PDE8B: variants seen among roughly 807,000 people sequenced by gnomAD.
The protein encoded by PDE8B is phosphodiesterase 8B.
Under a neutral mutation model 101.3 loss-of-function variants are expected in PDE8B, and 26 were observed. The observed-to-expected ratio is 0.26, with a 90% CI of 0.19 to 0.36. The LOEUF is 0.36. Among genes scored for constraint, PDE8B ranks in the 10% least tolerant of loss-of-function variants. The probability of loss-of-function intolerance (pLI) is 1.00; values close to 1 mark genes in which losing one functional copy is unlikely to be tolerated. For synonymous variants in PDE8B, 424 were observed against 429.3 expected, an observed-to-expected ratio of 0.99 and a Z score of 0.15; for missense variants, 810 against 1,163.1, an observed-to-expected ratio of 0.70 and a Z score of 4.42.
chr5:77,415,067 A>G (rs1795257052), intron 17 of PDE8B, among the ~76,000 whole-genome samples: 1 of 152,210 alleles, frequency 6.6e-6, no homozygotes, highest in Non-Finnish European at 1.5e-5. Flanking sequence ...GAATATGTTT[A>G]CAATTCAAAA....
intron 1 of PDE8B, among the ~76,000 whole-genome samples, chr5:77,260,222 T>C (rs770220147): frequency 1.5e-4 from 23 of 150,620 alleles, no homozygotes; most frequent in Non-Finnish European, 3.1e-4. Flanking sequence ...TTAATTGTAC[T>C]GATGAAATAA....
chr5:77,397,364 C>T (rs1030204184), intron 10 of PDE8B, among the ~76,000 whole-genome samples: 1 of 152,060 alleles, frequency 6.6e-6, no homozygotes, highest in East Asian at 1.9e-4. Context: ...AATTAGAGCT[C>T]TGTCATATAT....
At chr5:77,250,335 G>A (rs1200432573) in intron 1 of PDE8B, among the ~76,000 whole-genome samples, 6 of 152,270 alleles carry the variant, frequency 3.9e-5, no homozygotes, top group East Asian at 3.9e-4. Flanking sequence ...AATCCTTGCC[G>A]TCGCTGCTAA....
At chr5:77,369,446 C>T (rs527407633) in intron 10 of PDE8B, among the ~76,000 whole-genome samples, 32 of 151,996 alleles carry the variant, frequency 2.1e-4, no homozygotes, top group Admixed American at 1.2e-3. Context: ...GTGTGCTGGA[C>T]CGAGGTGACA....
At chr5:77,347,081 C>A (rs1477532356) in intron 7 of PDE8B, among the ~76,000 whole-genome samples, 1 of 152,204 alleles carries the variant, frequency 6.6e-6, no homozygotes, top group Non-Finnish European at 1.5e-5. Flanking sequence ...ATCCATTCCT[C>A]CCTCCTTTCC....
intron 10 of PDE8B, among the ~76,000 whole-genome samples, chr5:77,378,009 TAC>T (rs3031820): frequency 0.064 from 8,553 of 134,280 alleles, 305 homozygotes; most frequent in East Asian, 0.18. Flanking sequence ...CCTCTCTCTC[TAC>T]ACACACACAC....
intron 11 of PDE8B, among the ~76,000 whole-genome samples, chr5:77,401,496 CTT>C (rs1178971426): frequency 6.6e-6 from 1 of 152,146 alleles, no homozygotes; most frequent in African/African-American, 2.4e-5. Context: ...CATTTATTCT[CTT>C]TTTGATCTTG....
At chr5:77,262,781 A>G (rs968189562) in intron 1 of PDE8B, among the ~76,000 whole-genome samples, 5 of 152,186 alleles carry the variant, frequency 3.3e-5, no homozygotes, top group Admixed American at 2.0e-4. Context: ...TGAAGGAGAC[A>G]CTTGTTTTCT....
chr5:77,280,432 C>A (rs759017186), intron 1 of PDE8B, among the ~76,000 whole-genome samples: 1 of 152,150 alleles, frequency 6.6e-6, no homozygotes, highest in East Asian at 1.9e-4. Context: ...AAACAAATTT[C>A]TGGAAAAATA....
chr5:77,290,954 C>T (rs879117412), intron 1 of PDE8B: 41 of 1,611,458 alleles, frequency 2.5e-5, no homozygotes, highest in African/African-American at 1.7e-4. Context: ...GAGCAGATAC[C>T]GGCACAGCAA....
chr5:77,256,079 A>G (rs566166197), intron 1 of PDE8B, among the ~76,000 whole-genome samples: 1 of 152,294 alleles, frequency 6.6e-6, no homozygotes, highest in African/African-American at 2.4e-5. Flanking sequence ...TCATTATCTC[A>G]TGGGAAACTG....
chr5:77,144,570 T>C, the PDE8B span: 1 of 149,738 alleles, frequency 6.7e-6, no homozygotes, highest in African/African-American at 2.5e-5. Flanking sequence ...AGACTAGATA[T>C]ATATAAAAAT....
chr5:77,103,055 ACCG>A, the PDE8B span, among the ~76,000 whole-genome samples: 1 of 152,108 alleles, frequency 6.6e-6, no homozygotes, highest in East Asian at 1.9e-4. Flanking sequence ...CCATGGCCCC[ACCG>A]CCATCTTGCT....
rs147759108 is a variant in PDE8B at position 77,369,483 on chromosome 5, C to T, written c.1167+16077C>T. ...AAGAGCCAACGTCTGGCTAGATATG[C>T]AGAGAGAGGAATCCAAGGAGATCCG... On this transcript the variant is annotated intron_variant, in intron 10 of 21. Transcript: ENST00000264917. Among the ~76,000 whole-genome samples the T allele has an allele frequency of 6.3e-3, 955 of 152,126 alleles. 12 individuals carry two copies. The highest frequency in any genetic ancestry group is 0.022 in the African/African-American group (904 of 41,496).
At chr5:77,291,482 GTA>G in intron 1 of PDE8B, 1 of 1,610,472 alleles carries the variant, frequency 6.2e-7, no homozygotes, top group South Asian at 1.1e-5. Context: ...CTCCGATTCT[GTA>G]TGTCTTTAAA....
the PDE8B span, among the ~76,000 whole-genome samples, chr5:77,110,061 C>T: frequency 6.7e-6 from 1 of 150,058 alleles, no homozygotes; most frequent in Non-Finnish European, 1.5e-5. Flanking sequence ...CCTCAGCCTC[C>T]CAAATAGCTG....
At chr5:77,121,697 G>C in the PDE8B span, among the ~76,000 whole-genome samples, 1 of 151,964 alleles carries the variant, frequency 6.6e-6, no homozygotes, top group South Asian at 2.1e-4. Context: ...TAGTAGAGAC[G>C]GGGTTTCACC....
rs186827090 is a variant in PDE8B at position 77,263,370 on chromosome 5, G to A, written c.340-48624G>A. ...CTCAGAATGCAGTTAAGTAAATAAA[G>A]CCTTGTTTCTTGGATCATATCGAAG... is the stretch of plus-strand genomic sequence containing the variant. On this transcript the variant is annotated intron_variant, in intron 1 of 21. Coordinates refer to ENST00000264917, the MANE Select transcript of PDE8B (RefSeq NM_003719.5). 1.4e-3 allele frequency among the ~76,000 whole-genome samples: 206 copies of A among 152,224 alleles called. 1 individual carries two copies. Among genetic ancestry groups the A allele is most frequent in the Middle Eastern group, 6.8e-3 (2 of 294 alleles).
the PDE8B span, chr5:77,104,484 G>A: frequency 1.3e-5 from 2 of 152,108 alleles, no homozygotes; most frequent in Non-Finnish European, 2.9e-5. Context: ...GCTTCTCGGG[G>A]TCTTCATCTT....
Sources: gnomAD v4.1 joint callset for allele counts (sites outside exome capture counted in the v4.1 genomes callset) on GRCh38, gnomAD v4.1.1 for gene constraint, MANE v1.5 for transcripts, NCBI Gene and HGNC (gene_info 2026-07-23, HGNC 2026-07-21) for gene names.